Variants in PI4KA observed in about 807,000 individuals in gnomAD.
PI4KA encodes the protein PI4-kinase alpha.
Under a neutral mutation model 271.4 loss-of-function variants are expected in PI4KA, and 122 were observed. That is an observed-to-expected ratio of 0.45 (90% CI 0.39 to 0.52). The LOEUF is 0.52. PI4KA is among the 20% of genes least tolerant of loss of function. The pLI is 0.00. For missense variants in PI4KA, 1,969 were observed against 2,769.1 expected (o/e 0.71, Z 6.48); for synonymous variants, 1,041 against 1,078.8 (o/e 0.96, Z 0.69).
Position 20,854,400 on chromosome 22 carries a change from C to T in PI4KA, c.156+4170G>A, listed in dbSNP as rs191993031. Among the ~76,000 whole-genome samples, 521 of 152,170 alleles carry T rather than the reference C, an allele frequency of 3.4e-3. 1 individual carries two copies. Among genetic ancestry groups the T allele is most frequent in the African/African-American group, 8.4e-3 (347 of 41,520 alleles). ...CCTCCCAAAGTGCTGGGATTACAGG[C>T]GTGAGTCACTGTGCCCAGCCTAAGG... On this transcript the variant is annotated intron_variant, in intron 1 of 54. Transcript: ENST00000255882.
intron 53 of PI4KA, 32 bp downstream of exon 53, chr22:20,709,876 C>G: frequency 3.4e-6 from 4 of 1,177,042 alleles, no homozygotes; most frequent in Non-Finnish European, 5.1e-6. Context: ...AACTGTCCCC[C>G]AGATGGCCTG....
Position 20,713,402 on chromosome 22 carries a change from G to A in PI4KA, c.5462-12C>T, listed in dbSNP as rs551494951. 1.9e-6 allele frequency: 3 copies of A among 1,557,408 alleles called. No individual in the cohort carries two copies. In the African/African-American group the frequency reaches 4.1e-5, roughly 21 times the overall value. On this transcript the variant is annotated splice_polypyrimidine_tract_variant and intron_variant, in intron 47 of 54. Transcript: ENST00000255882. Reference sequence around the variant, plus strand: ...GCGGCACCGCAGACCTGCCCGCAGGGAGAGAGGCCGCTGTTAGCCTGTAGG... The same window carrying A: ...GCGGCACCGCAGACCTGCCCGCAGGAAGAGAGGCCGCTGTTAGCCTGTAGG...
chr22:20,784,268 T>C, intron 19 of PI4KA: 1 of 1,613,992 alleles, frequency 6.2e-7, no homozygotes, highest in South Asian at 1.1e-5. Context: ...GTGTGTTTGT[T>C]CTTTTGAGCT....
At chr22:20,793,276 G>T in intron 18 of PI4KA, 33 bp from the exon 19 acceptor site, 8 of 1,297,314 alleles carry the variant, frequency 6.2e-6, no homozygotes, top group Non-Finnish European at 8.9e-6. Flanking sequence ...TCATTAACGA[G>T]TATGTGTTTC....
intron 19 of PI4KA, among the ~76,000 whole-genome samples, chr22:20,781,439 G>A (rs1046951882): frequency 2.6e-5 from 4 of 152,182 alleles, no homozygotes; most frequent in African/African-American, 7.2e-5. Flanking sequence ...GTTAGCTCCC[G>A]TGGTTTTATA....
chr22:20,769,526 A>G (rs919333336), intron 19 of PI4KA, among the ~76,000 whole-genome samples: 2 of 152,030 alleles, frequency 1.3e-5, no homozygotes, highest in Non-Finnish European at 2.9e-5. Flanking sequence ...AAAATTAGCC[A>G]GGCGTGGTGG....
At chr22:20,844,105 T>C (rs1339283452) in intron 1 of PI4KA, among the ~76,000 whole-genome samples, 2 of 152,228 alleles carry the variant, frequency 1.3e-5, no homozygotes, top group African/African-American at 2.4e-5. Context: ...TATCTCTCAA[T>C]AGCTCACATA....
At chr22:20,772,160 G>A (rs1458186863) in intron 19 of PI4KA, among the ~76,000 whole-genome samples, 1 of 152,182 alleles carries the variant, frequency 6.6e-6, no homozygotes, top group Non-Finnish European at 1.5e-5. Flanking sequence ...CATGCAGTAG[G>A]TGTAACTGTC....
chr22:20,820,748 T>C (rs981974387), intron 4 of PI4KA, 137 bp from the exon 5 acceptor site: 5 of 638,480 alleles, frequency 7.8e-6, no homozygotes, highest in Non-Finnish European at 1.4e-5. Context: ...CCACAACGAC[T>C]GTGCCAAGTG....
At chr22:20,807,525 C>G in intron 9 of PI4KA, 67 bp from the exon 10 acceptor site, 1 of 835,230 alleles carries the variant, frequency 1.2e-6, no homozygotes. Flanking sequence ...TTTGCCTTCA[C>G]AGCAAGGCCC....
rs165660 is a variant in PI4KA at position 20,820,068 on chromosome 22, A to G, written c.530-168T>C. 0.38 allele frequency among the ~76,000 whole-genome samples: 57,937 copies of G among 152,168 alleles called. 11,524 individuals carry two copies. Among genetic ancestry groups the G allele is most frequent in the African/African-American group, 0.48 (19,851 of 41,496 alleles). On this transcript the variant is annotated intron_variant, in intron 5 of 54. Transcript: ENST00000255882. ...GGTCCACCCCAAGGGCTGACAAGTG[A>G]TATCTTCAACCTGTCATTAACAACT...
chr22:20,721,861 GGTTT>G (rs1926772236), intron 42 of PI4KA: 2 of 166,590 alleles, frequency 1.2e-5, no homozygotes, highest in South Asian at 3.2e-4. Flanking sequence ...GATATGATTA[GGTTT>G]TGTGTCCCCA....
chr22:20,750,570 G>C (rs898316819), intron 27 of PI4KA, among the ~76,000 whole-genome samples: 1 of 152,258 alleles, frequency 6.6e-6, no homozygotes, highest in African/African-American at 2.4e-5. Flanking sequence ...GTTTGTGGCA[G>C]AATCTACAAG....
At chr22:20,789,461 C>T (rs945988666) in intron 19 of PI4KA, among the ~76,000 whole-genome samples, 2 of 152,210 alleles carry the variant, frequency 1.3e-5, no homozygotes, top group Non-Finnish European at 1.5e-5. Context: ...TCCCGAGTAG[C>T]TGGGACTACA....
chr22:20,729,318 A>C lies in PI4KA; in HGVS notation c.4677T>G (p.Pro1559=). The C allele has an allele frequency of 6.2e-7, 1 of 1,612,742 alleles. No homozygotes were observed. The highest frequency in any genetic ancestry group is 8.5e-7 in the Non-Finnish European group (1 of 1,179,286). The change falls in exon 39 of 55, where the codon CCT becomes CCG. Residue 1559 remains proline, a synonymous_variant. Coordinates refer to ENST00000255882, the MANE Select transcript of PI4KA (RefSeq NM_058004.4). ...TGTGGTGCCCGGGGGCCCACCTGGC[A>C]GGCAGCTGCACGGCTAGGTAGGGAG... The part of the protein sequence containing the change: ...SISPYLAVQL[P]ARFKNTEAIG...
intron 51 of PI4KA, 37 bp from the exon 52 acceptor site, chr22:20,710,895 GA>G: frequency 6.2e-7 from 1 of 1,608,686 alleles, no homozygotes; most frequent in South Asian, 1.1e-5. Context: ...GACTGGGTAG[GA>G]GCCAGGGCGG....
rs1231737520 is a variant in PI4KA at position 20,798,573 on chromosome 22, G to A, written c.2108+11C>T. The stretch of plus-strand genomic sequence containing the variant: ...TGTCATGATAAAAAAGTGACAATGA[G>A]GTCCAGTTACCTATAGCCGTGGTCC... On this transcript the variant is annotated intron_variant, in intron 17 of 54. Coordinates refer to ENST00000255882, the MANE Select transcript of PI4KA (RefSeq NM_058004.4). 1 of 1,505,014 alleles carries A rather than the reference G, an allele frequency of 6.6e-7. No individual in the cohort carries two copies. Among genetic ancestry groups the A allele is most frequent in the Non-Finnish European group, 9.3e-7 (1 of 1,080,508 alleles). 93.2% of individuals were successfully genotyped at this position (1,505,014 alleles called of 1,614,324 possible).
In PI4KA at chr22:20,774,484, C is replaced by T. The variant is rs185352728; in HGVS notation, c.2329-8791G>A. Among the ~76,000 whole-genome samples, 336 of 152,240 alleles carry T rather than the reference C, an allele frequency of 2.2e-3. 1 individual carries two copies. Among genetic ancestry groups the T allele is most frequent in the African/African-American group, 8.0e-3 (332 of 41,538 alleles). The stretch of plus-strand genomic sequence containing the variant: ...TATTAGTATTAAAGGTTAGAGGGGC[C>T]GGGTGCAGTGGCTCACGCCTGTAAT... On this transcript the variant is annotated intron_variant, in intron 19 of 54. Coordinates refer to ENST00000255882, the MANE Select transcript of PI4KA (RefSeq NM_058004.4).
Position 20,714,538 on chromosome 22 carries a change from A to G in PI4KA, c.5391-10T>C, listed in dbSNP as rs1382477043. On this transcript the variant is annotated splice_polypyrimidine_tract_variant and intron_variant, in intron 46 of 54. Transcript: ENST00000255882. ...TGGGGCTTTTGCAGCACTGAAAACA[A>G]CAAAAAGAATGTGGCACCCATGATG... The G allele has an allele frequency of 6.2e-7, 1 of 1,613,918 alleles. No homozygotes were observed. Among genetic ancestry groups the G allele is most frequent in the African/African-American group, 1.3e-5 (1 of 75,054 alleles).
Sources: allele counts gnomAD v4.1 joint callset (sites outside exome capture counted in the v4.1 genomes callset), GRCh38; gene constraint gnomAD v4.1.1; transcripts MANE v1.5; gene names NCBI Gene and HGNC (gene_info 2026-07-23, HGNC 2026-07-21).